EDA: variants seen among roughly 807,000 people sequenced by gnomAD.
EDA encodes ectodysplasin A.
EDA carries 2 observed loss-of-function variants against 23.6 expected under a neutral mutation model. The ratio of observed to expected loss-of-function variants is 0.08; its 90% CI spans 0.03 to 0.27. EDA has a LOEUF of 0.27. EDA is among the 10% of genes least tolerant of loss of function. The probability of loss-of-function intolerance (pLI) is 1.00; values close to 1 mark genes in which losing one functional copy is unlikely to be tolerated. For synonymous variants in EDA, 131 were observed against 132.0 expected, an observed-to-expected ratio of 0.99 and a Z score of 0.05; for missense variants, 229 against 324.2, an observed-to-expected ratio of 0.71 and a Z score of 2.26.
chrX:69,700,753 G>A (rs956264207), intron 1 of EDA, among the ~76,000 whole-genome samples: 2 of 111,105 alleles, frequency 1.8e-5, no homozygotes, highest in African/African-American at 3.3e-5. Flanking sequence ...CCCAAATAGC[G>A]GGGTTAACTA....
intron 1 of EDA, among the ~76,000 whole-genome samples, chrX:69,652,525 T>G (rs1311495328): frequency 2.7e-5 from 3 of 112,142 alleles, no homozygotes; most frequent in African/African-American, 6.5e-5. Context: ...ATTTCATATC[T>G]GACTACACAA....
At chrX:69,757,699 C>T (rs180707495) in intron 1 of EDA, among the ~76,000 whole-genome samples, 96 of 112,066 alleles carry the variant, frequency 8.6e-4, no homozygotes, top group Middle Eastern at 9.2e-3. Flanking sequence ...ACTTTCATAA[C>T]GAAGCCATTG....
intron 1 of EDA, among the ~76,000 whole-genome samples, chrX:69,711,420 T>A (rs771990581): frequency 8.9e-6 from 1 of 111,779 alleles, no homozygotes; most frequent in Admixed American, 9.5e-5. Flanking sequence ...GATTTTTGCA[T>A]CGATGTACAT....
chrX:69,786,728 G>T (rs1419392209), intron 1 of EDA, among the ~76,000 whole-genome samples: 2 of 109,510 alleles, frequency 1.8e-5, no homozygotes, highest in Non-Finnish European at 3.8e-5. Flanking sequence ...GTCAATTTTG[G>T]AATAGGTGTG....
intron 1 of EDA, among the ~76,000 whole-genome samples, chrX:69,782,383 A>C (rs754126649): frequency 0.024 from 2,461 of 104,418 alleles, 36 homozygotes; most frequent in Non-Finnish European, 0.038. Flanking sequence ...AAAAAAAAAA[A>C]AAAAAAAAAC....
intron 1 of EDA, among the ~76,000 whole-genome samples, chrX:69,638,275 G>A (rs1932800759): frequency 9.0e-6 from 1 of 111,653 alleles, no homozygotes; most frequent in Non-Finnish European, 1.9e-5. Flanking sequence ...TTGTACTAGA[G>A]GCAGCCAGTA....
chrX:69,731,171 T>C (rs1173406416), intron 1 of EDA, among the ~76,000 whole-genome samples: 1 of 111,688 alleles, frequency 9.0e-6, no homozygotes, highest in Non-Finnish European at 1.9e-5. Flanking sequence ...CTGTTGTCTT[T>C]TTAATGTCTG....
chrX:69,817,163 G>A (rs180739444), intron 1 of EDA, among the ~76,000 whole-genome samples: 7 of 111,690 alleles, frequency 6.3e-5, no homozygotes, highest in East Asian at 5.6e-4. Flanking sequence ...TCAGACAGGC[G>A]AATGCTGGGG....
chrX:69,694,177 C>T (rs1029283994), intron 1 of EDA, among the ~76,000 whole-genome samples: 13 of 111,939 alleles, frequency 1.2e-4, no homozygotes, highest in Middle Eastern at 4.6e-3. Context: ...ACCAGGTGGC[C>T]ATCTGTGCCC....
intron 2 of EDA, among the ~76,000 whole-genome samples, chrX:70,004,144 G>A (rs376610546): frequency 1.5e-4 from 17 of 112,125 alleles, no homozygotes; most frequent in African/African-American, 5.5e-4. Flanking sequence ...GTAGTTGGTA[G>A]GACTCTTTTA....
chrX:69,660,821 T>C (rs1227145123), intron 1 of EDA, among the ~76,000 whole-genome samples: 4 of 111,816 alleles, frequency 3.6e-5, no homozygotes, highest in East Asian at 5.6e-4. Context: ...TGTGTCTTTA[T>C]AGCAGCATGA....
intron 1 of EDA, among the ~76,000 whole-genome samples, chrX:69,831,885 G>C (rs1488324771): frequency 9.0e-6 from 1 of 111,523 alleles, no homozygotes. Flanking sequence ...TTTTGATGCA[G>C]CTTTTTTTTT....
At chrX:69,756,334 A>G (rs1448918148) in intron 1 of EDA, among the ~76,000 whole-genome samples, 2 of 112,573 alleles carry the variant, frequency 1.8e-5, no homozygotes, top group African/African-American at 6.5e-5. Flanking sequence ...CAAAAGATTT[A>G]TAATTGCATT....
Position 69,703,828 on chromosome X carries a change from T to C in EDA, c.396+87124T>C, listed in dbSNP as rs543575691. 8.9e-5 allele frequency among the ~76,000 whole-genome samples: 10 copies of C among 111,847 alleles called. No individual in the cohort carries two copies. In the South Asian group the frequency reaches 3.8e-3, roughly 43 times the overall value. On this transcript the variant is annotated intron_variant, in intron 1 of 7. Transcript: ENST00000374552. ...AGTTTCAGGCCCTGGGGAGAATCTT[T>C]CAGAGAGAGAGAAAGACCACATCTA...
chrX:70,033,625 T>A, intron 7 of EDA, 97 bp downstream of exon 7: 1 of 963,459 alleles, frequency 1.0e-6, no homozygotes, highest in Non-Finnish European at 1.4e-6. Context: ...GACCATCCAA[T>A]GGCTAACTTC....
chrX:69,744,025 A>G (rs1160428290), intron 1 of EDA, among the ~76,000 whole-genome samples: 1 of 111,757 alleles, frequency 8.9e-6, no homozygotes, highest in Non-Finnish European at 1.9e-5. Context: ...TATCTGATGA[A>G]GAAGCAAGTG....
rs1435554316 is a variant in EDA at position 69,788,385 on chromosome X, C to T, written c.397-168642C>T. On this transcript the variant is annotated intron_variant, in intron 1 of 7. Coordinates refer to ENST00000374552, the MANE Select transcript of EDA (RefSeq NM_001399.5). ...GAGGCGCTGTGCTTTTTAGAGTTTCCAGTTTTTCTGCTCTGTTTTTTTCCC... is the reference window on the plus strand; with the variant it reads ...GAGGCGCTGTGCTTTTTAGAGTTTCTAGTTTTTCTGCTCTGTTTTTTTCCC... 3.2e-4 allele frequency among the ~76,000 whole-genome samples: 36 copies of T among 112,051 alleles called. 1 individual carries two copies. Among genetic ancestry groups the T allele is most frequent in the Non-Finnish European group, 5.8e-4 (31 of 53,210 alleles).
intron 1 of EDA, among the ~76,000 whole-genome samples, chrX:69,780,732 T>C: frequency 9.0e-6 from 1 of 110,598 alleles, no homozygotes; most frequent in Non-Finnish European, 1.9e-5. Flanking sequence ...ACTCTCTCTT[T>C]CCTGTCACCA....
intron 1 of EDA, among the ~76,000 whole-genome samples, chrX:69,891,599 C>T (rs976809092): frequency 1.8e-5 from 2 of 111,377 alleles, no homozygotes; most frequent in African/African-American, 3.3e-5. Context: ...GGAACGAGAT[C>T]ATGTCCTTTG....
Sources: gnomAD v4.1 joint callset for allele counts (sites outside exome capture counted in the v4.1 genomes callset) on GRCh38, gnomAD v4.1.1 for gene constraint, MANE v1.5 for transcripts, NCBI Gene and HGNC (gene_info 2026-07-23, HGNC 2026-07-21) for gene names.